The following DMD variants were observed in gnomAD, a reference collection of about 807,000 sequenced individuals.
The protein encoded by DMD is dystrophin.
A neutral mutation model predicts 330.1 loss-of-function variants in DMD; 63 were observed. The observed-to-expected ratio is 0.19, with a 90% CI of 0.16 to 0.24. DMD has a LOEUF of 0.24. Among genes scored for constraint, DMD ranks in the 10% least tolerant of loss-of-function variants. DMD has a pLI of 1.00. For missense variants in DMD, 3,344 were observed against 2,684.1 expected (o/e 1.25, Z -5.43); for synonymous variants, 1,223 against 959.8 (o/e 1.27, Z -5.07).
At chrX:31,715,542 CAAAA>C (rs34808252) in intron 52 of DMD, among the ~76,000 whole-genome samples, 1 of 50,521 alleles carries the variant, frequency 2.0e-5, no homozygotes. Flanking sequence ...AACTCCGTCT[CAAAA>C]AAAAAAAAAA....
intron 43 of DMD, among the ~76,000 whole-genome samples, chrX:32,229,703 TATA>T (rs1454593819): frequency 1.3e-5 from 1 of 79,198 alleles, no homozygotes; most frequent in Non-Finnish European, 2.4e-5. Context: ...TATATATATA[TATA>T]TATATATATA....
rs1028274116 is a variant in DMD at position 32,386,797 on chromosome X, T to C, written c.4519-332A>G. Among the ~76,000 whole-genome samples, 2 of 110,162 alleles carry C rather than the reference T, an allele frequency of 1.8e-5. 1 individual carries two copies. The highest frequency in any genetic ancestry group is 3.8e-5 in the Non-Finnish European group (2 of 52,331). On this transcript the variant is annotated intron_variant, in intron 32 of 78. Transcript: ENST00000357033. Reference sequence around the variant, plus strand: ...AATTCTGAATTTTACATGACTTCTATTTTAAATGTTGGAGTTATATAATTC... The same window carrying C: ...AATTCTGAATTTTACATGACTTCTACTTTAAATGTTGGAGTTATATAATTC...
chrX:33,228,618 C>G (rs896475509), intron 1 of DMD, among the ~76,000 whole-genome samples: 1 of 109,438 alleles, frequency 9.1e-6, no homozygotes, highest in African/African-American at 3.3e-5. Context: ...ATGATAAGAG[C>G]AGCAGTTAAA....
rs143529036 is a variant in DMD at position 31,492,818 on chromosome X, T to C, written c.8547+3970A>G. On this transcript the variant is annotated intron_variant, in intron 57 of 78. Coordinates refer to ENST00000357033, the MANE Select transcript of DMD (RefSeq NM_004006.3). ...CATGGTCTCACTCATAAGTGGGAGA[T>C]AAACAATGAAAACATATGGACACAG... Among the ~76,000 whole-genome samples the C allele has an allele frequency of 6.9e-3, 571 of 82,247 alleles. 3 individuals are homozygous for C. The highest frequency in any genetic ancestry group is 0.02 in the African/African-American group (413 of 20,334). 71.4% of individuals were successfully genotyped at this position (82,247 alleles called of 115,157 possible).
At chrX:32,964,581 G>A (rs1020254037) in intron 2 of DMD, among the ~76,000 whole-genome samples, 5 of 110,228 alleles carry the variant, frequency 4.5e-5, no homozygotes, top group South Asian at 3.9e-4. Context: ...GGTGGCGTGC[G>A]CCTGTAATCC....
rs181979085 is a variant in DMD at position 32,303,298 on chromosome X, A to G, written c.6117+6784T>C. ...AGTCCACACCTACATGTATCAGACC[A>G]TCACTCACTAATTCAACAGATGTAC... On this transcript the variant is annotated intron_variant, in intron 42 of 78. Coordinates refer to ENST00000357033, the MANE Select transcript of DMD (RefSeq NM_004006.3). Among the ~76,000 whole-genome samples, 392 of 111,150 alleles carry G rather than the reference A, an allele frequency of 3.5e-3. 1 individual carries two copies. The highest frequency in any genetic ancestry group is 6.2e-3 in the Non-Finnish European group (327 of 52,659).
chrX:31,891,557 A>G (rs2094251210), intron 47 of DMD, among the ~76,000 whole-genome samples: 1 of 111,975 alleles, frequency 8.9e-6, no homozygotes, highest in Non-Finnish European at 1.9e-5. Flanking sequence ...AAAATAATTA[A>G]TAAATGGGTG....
At chrX:31,752,370 A>T (rs773953834) in intron 51 of DMD, among the ~76,000 whole-genome samples, 1 of 111,263 alleles carries the variant, frequency 9.0e-6, no homozygotes, top group South Asian at 3.8e-4. Flanking sequence ...TGTCATCGAC[A>T]AGAGTTACAG....
At chrX:32,512,806 G>C (rs1327567489) in intron 18 of DMD, among the ~76,000 whole-genome samples, 1 of 111,866 alleles carries the variant, frequency 8.9e-6, no homozygotes, top group Non-Finnish European at 1.9e-5. Context: ...CTGTCTCTAA[G>C]AGTATGTTAG....
chrX:32,392,773 A>G (rs1011820578), intron 30 of DMD, among the ~76,000 whole-genome samples: 1 of 112,666 alleles, frequency 8.9e-6, no homozygotes, highest in African/African-American at 3.2e-5. Flanking sequence ...TCTTTTTAGA[A>G]CAGTCATTCT....
intron 11 of DMD, among the ~76,000 whole-genome samples, chrX:32,642,830 C>A (rs1187136081): frequency 9.0e-6 from 1 of 110,907 alleles, no homozygotes; most frequent in African/African-American, 3.3e-5. Context: ...ACCTAGAGTG[C>A]ACAAAGGAGA....
At chrX:31,636,241 A>G (rs771445734) in intron 54 of DMD, among the ~76,000 whole-genome samples, 2 of 111,411 alleles carry the variant, frequency 1.8e-5, no homozygotes, top group East Asian at 2.8e-4. Context: ...TCTAATGTGT[A>G]CTACGCTTAA....
At chrX:32,775,728 A>AGG (rs1489064541) in intron 7 of DMD, among the ~76,000 whole-genome samples, 2 of 113,097 alleles carry the variant, frequency 1.8e-5, no homozygotes, top group African/African-American at 6.4e-5. Flanking sequence ...CTGTGATGGA[A>AGG]GGGGCTGGCA....
At chrX:33,013,734 C>T (rs750082871) in intron 2 of DMD, among the ~76,000 whole-genome samples, 2 of 112,503 alleles carry the variant, frequency 1.8e-5, no homozygotes, top group Admixed American at 9.4e-5. Context: ...TAATGTTTTG[C>T]CACTTTGTCC....
At chrX:32,233,927 G>C (rs1345047406) in intron 43 of DMD, among the ~76,000 whole-genome samples, 2 of 110,974 alleles carry the variant, frequency 1.8e-5, no homozygotes, top group Non-Finnish European at 3.8e-5. Context: ...ACCACACCCA[G>C]CCCGGTACAA....
intron 60 of DMD, among the ~76,000 whole-genome samples, chrX:31,372,127 G>A (rs762973470): frequency 1.8e-5 from 2 of 111,406 alleles, no homozygotes; most frequent in Non-Finnish European, 3.8e-5. Context: ...GGTTGCAAAC[G>A]GCTTAGGGGC....
intron 62 of DMD, among the ~76,000 whole-genome samples, chrX:31,266,528 T>G (rs2051135314): frequency 8.9e-6 from 1 of 112,297 alleles, no homozygotes; most frequent in Non-Finnish European, 1.9e-5. Context: ...CGTTATCCCC[T>G]CTGGGGACGG....
chrX:31,814,114 C>G (rs1473820879), intron 50 of DMD, among the ~76,000 whole-genome samples: 1 of 110,729 alleles, frequency 9.0e-6, no homozygotes, highest in East Asian at 2.8e-4. Context: ...ACTGTGCTTT[C>G]CTAATTACAC....
At chrX:32,818,861 C>T (rs1256122599) in intron 5 of DMD, among the ~76,000 whole-genome samples, 1 of 110,691 alleles carries the variant, frequency 9.0e-6, no homozygotes, top group African/African-American at 3.3e-5. Flanking sequence ...AACACTCAGC[C>T]ATTTTAACCC....
Sources: allele counts gnomAD v4.1 joint callset (sites outside exome capture counted in the v4.1 genomes callset), GRCh38; gene constraint gnomAD v4.1.1; transcripts MANE v1.5; gene names NCBI Gene and HGNC (gene_info 2026-07-23, HGNC 2026-07-21).